The following CSGALNACT1 variants were observed in gnomAD, a reference collection of about 807,000 sequenced individuals.
CSGALNACT1 encodes the protein chondroitin sulfate N-acetylgalactosaminyltransferase 1, also known as beta4GalNAcT-1.
CSGALNACT1 carries 52 observed loss-of-function variants against 51.0 expected under a neutral mutation model. The ratio of observed to expected loss-of-function variants is 1.02; its 90% CI spans 0.82 to 1.29. CSGALNACT1 has a LOEUF of 1.29. Among genes scored for constraint, CSGALNACT1 ranks in the 50% most tolerant of loss-of-function variants. The probability of loss-of-function intolerance (pLI) is 0.00; values close to 1 mark genes in which losing one functional copy is unlikely to be tolerated. For missense variants in CSGALNACT1, 935 were observed against 679.2 expected, an observed-to-expected ratio of 1.38 and a Z score of -4.19; for synonymous variants, 341 against 254.4, an observed-to-expected ratio of 1.34 and a Z score of -3.24.
chr8:19,620,798 G>A (rs1027394124), intron 1 of CSGALNACT1, among the ~76,000 whole-genome samples: 3 of 152,126 alleles, frequency 2.0e-5, no homozygotes, highest in Admixed American at 1.3e-4. Flanking sequence ...GGTAGTGGGT[G>A]AGAAAGAATA....
chr8:19,717,639 T>C (rs1016294629), intron 1 of CSGALNACT1, among the ~76,000 whole-genome samples: 29 of 152,286 alleles, frequency 1.9e-4, no homozygotes, highest in African/African-American at 7.0e-4. Context: ...TAATACGCCC[T>C]ATTCGGGTCT....
intron 3 of CSGALNACT1, among the ~76,000 whole-genome samples, chr8:19,531,380 G>C (rs925601591): frequency 6.6e-6 from 1 of 152,208 alleles, no homozygotes; most frequent in Non-Finnish European, 1.5e-5. Context: ...ACATATTCTG[G>C]ACTGCTAAAG....
chr8:19,576,347 C>G (rs1588577840), intron 3 of CSGALNACT1, among the ~76,000 whole-genome samples: 1 of 152,046 alleles, frequency 6.6e-6, no homozygotes, highest in Non-Finnish European at 1.5e-5. Flanking sequence ...GGCACACCTT[C>G]ACACCTGGCT....
rs1265411671 is a variant in CSGALNACT1, at chr8:19,757,782, C to G, written c.-297+68G>C. 6.6e-6 allele frequency: 1 copy of G among 152,406 alleles called. No homozygotes were observed. 9.4% of individuals were successfully genotyped at this position (152,406 alleles called of 1,614,324 possible). ...TTTGTAAATCGCACTTCGGGGAATT[C>G]ACGCTTTAGTCGCGGTCTCTGCTGC... On this transcript the variant is annotated intron_variant, in intron 1 of 1. Transcript: ENST00000517494. This position sits in a 1 kb window ranked among gnomAD's most constrained non-coding sequence, Gnocchi z 4.0.
At chr8:19,733,406 T>G (rs1187512860) in intron 1 of CSGALNACT1, among the ~76,000 whole-genome samples, 1 of 152,198 alleles carries the variant, frequency 6.6e-6, no homozygotes, top group African/African-American at 2.4e-5. Context: ...TATTGCCTAC[T>G]TCAAAAACCT....
At chr8:19,563,969 G>C (rs1030041000) in intron 3 of CSGALNACT1, among the ~76,000 whole-genome samples, 1 of 151,946 alleles carries the variant, frequency 6.6e-6, no homozygotes, top group Non-Finnish European at 1.5e-5. Context: ...GAAGCTGGAC[G>C]TTCTGTCTCC....
intron 3 of CSGALNACT1, among the ~76,000 whole-genome samples, chr8:19,549,816 G>C (rs1256366868): frequency 6.6e-6 from 1 of 152,010 alleles, no homozygotes; most frequent in African/African-American, 2.4e-5. Context: ...CCAGGTAAAG[G>C]CTTCAGATTG....
At chr8:19,527,694 G>A (rs564297591) in intron 3 of CSGALNACT1, among the ~76,000 whole-genome samples, 14 of 152,304 alleles carry the variant, frequency 9.2e-5, no homozygotes, top group Non-Finnish European at 1.6e-4. Flanking sequence ...TGAGAACCAC[G>A]CAGGCAGGTC....
intron 3 of CSGALNACT1, among the ~76,000 whole-genome samples, chr8:19,528,583 G>A (rs1033547279): frequency 7.1e-6 from 1 of 141,788 alleles, no homozygotes; most frequent in Non-Finnish European, 1.5e-5. Flanking sequence ...TACCTTATGT[G>A]AGAATTACTC....
At chr8:19,622,450 A>G (rs1285982127) in intron 1 of CSGALNACT1, among the ~76,000 whole-genome samples, 1 of 152,244 alleles carries the variant, frequency 6.6e-6, no homozygotes, top group African/African-American at 2.4e-5. Flanking sequence ...ACCATTGTTT[A>G]AAAGAAATCG....
Position 19,624,676 on chromosome 8 carries a change from G to GTT in CSGALNACT1, c.-543-22813_-543-22812dup, listed in dbSNP as rs552913018. ...CATCTTGTACTTTTACCATCTTCTT[G>GTT]TTTTTTTTTTTTCTTTTCTTGAGAC... On this transcript the variant is annotated intron_variant, in intron 1 of 9. Transcript: ENST00000332246. Among the ~76,000 whole-genome samples the GTT allele has an allele frequency of 8.1e-3, 1,172 of 144,348 alleles. 15 individuals carry two copies. The highest frequency in any genetic ancestry group is 0.028 in the African/African-American group (1,101 of 39,634). The allele number at this position is 144,348 out of a possible 152,430, so 94.7% of individuals were successfully genotyped here. A position where few individuals can be genotyped will look rare whatever the true frequency, so the allele number is the denominator to read the frequency against.
At chr8:19,582,794 C>CTG (rs1564143157) in intron 3 of CSGALNACT1, among the ~76,000 whole-genome samples, 1 of 152,110 alleles carries the variant, frequency 6.6e-6, no homozygotes, top group African/African-American at 2.4e-5. Flanking sequence ...TCAGTAGCCC[C>CTG]TGTGTATGTA....
chr8:19,609,495 C>A (rs1444482105), intron 1 of CSGALNACT1, among the ~76,000 whole-genome samples: 1 of 151,704 alleles, frequency 6.6e-6, no homozygotes, highest in Non-Finnish European at 1.5e-5. Flanking sequence ...AAGAAAACAT[C>A]ATTGGAATAC....
chr8:19,614,654 G>GC (rs2052750813), intron 1 of CSGALNACT1, among the ~76,000 whole-genome samples: 1 of 151,978 alleles, frequency 6.6e-6, no homozygotes, highest in African/African-American at 2.4e-5. Flanking sequence ...TCTATATAGG[G>GC]CCTGGTACTG....
chr8:19,690,822 T>C (rs1440598827), intron 1 of CSGALNACT1, among the ~76,000 whole-genome samples: 1 of 152,202 alleles, frequency 6.6e-6, no homozygotes. Flanking sequence ...TTTGGGAAAT[T>C]AGAGTTTGTT....
At chr8:19,603,571 T>A (rs980937252), upstream of CSGALNACT1, among the ~76,000 whole-genome samples, 1 of 152,240 alleles carries the variant, frequency 6.6e-6, no homozygotes, top group African/African-American at 2.4e-5. Flanking sequence ...TCTGAGTTGT[T>A]TTCTGTCCCC....
intron 3 of CSGALNACT1, among the ~76,000 whole-genome samples, chr8:19,544,033 T>G (rs528902603): frequency 1.3e-5 from 2 of 152,176 alleles, no homozygotes; most frequent in Non-Finnish European, 2.9e-5. Context: ...CATCATAGCC[T>G]GATGCTGCTA....
chr8:19,750,047 T>C (rs753844444), intron 1 of CSGALNACT1, among the ~76,000 whole-genome samples: 20 of 152,204 alleles, frequency 1.3e-4, no homozygotes, highest in South Asian at 4.1e-4. Context: ...TGGTCACTTA[T>C]ATCCCCCTGC....
chr8:19,425,189 A>C (rs1356510790), intron 6 of CSGALNACT1, among the ~76,000 whole-genome samples: 2 of 152,142 alleles, frequency 1.3e-5, no homozygotes, highest in Non-Finnish European at 2.9e-5. Flanking sequence ...TTAAAAATAC[A>C]GAATTAGCCA....
Sources: gnomAD v4.1 joint callset for allele counts (sites outside exome capture counted in the v4.1 genomes callset) on GRCh38, gnomAD v4.1.1 for gene constraint, Gnocchi (gnomAD v3.1) non-coding constraint, MANE v1.5 for transcripts, NCBI Gene and HGNC (gene_info 2026-07-23, HGNC 2026-07-21) for gene names.